The following CDC40 variants were observed in gnomAD, a reference collection of about 807,000 sequenced individuals.
CDC40 encodes the protein pre-mRNA-processing factor 17.
In CDC40, 27 loss-of-function variants were observed where a neutral mutation model predicts 80.6. The observed-to-expected ratio is 0.33, with a 90% confidence interval of 0.25 to 0.46. The LOEUF (loss-of-function observed/expected upper bound fraction) is 0.46, where lower values mean the gene tolerates loss of function less well. Among genes scored for constraint, CDC40 ranks in the 20% least tolerant of loss-of-function variants. CDC40 has a pLI of 1.00. For synonymous variants in CDC40, 221 were observed against 232.6 expected (o/e 0.95, Z 0.45); for missense variants, 486 against 694.1 (o/e 0.70, Z 3.37).
At chr6:110,227,623 C>T (rs1313880973) in intron 13 of CDC40, among the ~76,000 whole-genome samples, 1 of 152,132 alleles carries the variant, frequency 6.6e-6, no homozygotes, top group East Asian at 1.9e-4. Flanking sequence ...TATCCATGAG[C>T]ACCATATCCT....
chr6:110,197,301 AAATT>A (rs1179061777), intron 2 of CDC40, among the ~76,000 whole-genome samples: 1 of 152,226 alleles, frequency 6.6e-6, no homozygotes, highest in Non-Finnish European at 1.5e-5. Flanking sequence ...ACTTTTTAAT[AAATT>A]AATTTTTTAA....
chr6:110,190,002 A>T (rs1466006405), intron 1 of CDC40, among the ~76,000 whole-genome samples: 3 of 152,206 alleles, frequency 2.0e-5, no homozygotes, highest in Non-Finnish European at 4.4e-5. Flanking sequence ...TTCTCTACAG[A>T]TTTGGCTTTT....
rs1433901670 is a variant in CDC40 at position 110,228,705 on chromosome 6, TA to T, written c.1418-126del. The T allele has an allele frequency of 9.3e-6, 6 of 646,090 alleles. No homozygotes were observed. The Admixed American group carries it at 1.5e-4, about 16-fold the overall frequency. The allele number at this position is 646,090 out of a possible 1,614,324, so 40.0% of individuals were successfully genotyped here. A position where few individuals can be genotyped will look rare whatever the true frequency, so the allele number is the denominator to read the frequency against. On this transcript the variant is annotated intron_variant, in intron 13 of 14. Coordinates refer to ENST00000307731, the MANE Select transcript of CDC40 (RefSeq NM_015891.3). Reference sequence around the variant, plus strand: ...CATTTTACAGGTGGTATAGTAAATTTATTTTTTAGTATTATAAAGTATTTGG... The same window carrying T: ...CATTTTACAGGTGGTATAGTAAATTTTTTTTTAGTATTATAAAGTATTTGG...
At chr6:110,204,446 T>C (rs1465174661) in intron 3 of CDC40, among the ~76,000 whole-genome samples, 1 of 152,216 alleles carries the variant, frequency 6.6e-6, no homozygotes, top group African/African-American at 2.4e-5. Flanking sequence ...TATGTTATGC[T>C]ACAAAGTGCA....
rs531740365 is a variant in CDC40 at position 110,191,652 on chromosome 6, G to A, written c.190-1530G>A. Among the ~76,000 whole-genome samples the A allele has an allele frequency of 5.3e-5, 8 of 152,262 alleles. No homozygotes were observed. The South Asian group carries it at 8.3e-4, about 16-fold the overall frequency. On this transcript the variant is annotated intron_variant, in intron 1 of 14. Coordinates refer to ENST00000307731, the MANE Select transcript of CDC40 (RefSeq NM_015891.3). ...ACATTTCATTCCAAAAGGAAATAAC[G>A]GTAAGTATAGAGACCCCAAGGCAGG...
At chr6:110,194,282 T>C (rs1401423262) in intron 2 of CDC40, among the ~76,000 whole-genome samples, 2 of 152,228 alleles carry the variant, frequency 1.3e-5, no homozygotes, top group Admixed American at 6.5e-5. Flanking sequence ...TCAGAATCTT[T>C]AAGAAGCACT....
intron 1 of CDC40, among the ~76,000 whole-genome samples, chr6:110,188,857 C>G (rs1371079564): frequency 1.3e-5 from 2 of 152,192 alleles, no homozygotes; most frequent in Admixed American, 1.3e-4. Context: ...TGGATGGGTT[C>G]TGTGATGATT....
intron 1 of CDC40, 79 bp downstream of exon 1, chr6:110,180,712 G>A (rs976862262): frequency 4.0e-6 from 4 of 1,011,662 alleles, no homozygotes; most frequent in Non-Finnish European, 6.1e-6. Context: ...TTAGGTACCG[G>A]GTTACCTCTT....
In CDC40 at chr6:110,180,506, A is replaced by C. The variant is rs747844527; in HGVS notation, c.62A>C (p.Asp21Ala). ...GGTTCGGGTTCAGGGTCCGAATCGG[A>C]CTCGGACAGTGAGAGCAGTCGGTGT... ...SYGSGSGSES[D>A]SDSESSRCPL... The change falls in exon 1 of 15, where the codon GAC (aspartate) becomes GCC (alanine). Residue 21 changes from aspartate (D) to alanine (A), a missense_variant. By Grantham distance (126) the Asp-to-Ala change is moderately radical. Transcript: ENST00000307731. The C allele has an allele frequency of 2.5e-6, 4 of 1,614,018 alleles. No homozygotes were observed. Among genetic ancestry groups the C allele is most frequent in the Non-Finnish European group, 2.5e-6 (3 of 1,180,028 alleles).
At chr6:110,201,035 TA>T (rs1335064062) in intron 2 of CDC40, among the ~76,000 whole-genome samples, 1 of 152,180 alleles carries the variant, frequency 6.6e-6, no homozygotes, top group African/African-American at 2.4e-5. Flanking sequence ...GAATTCTGAT[TA>T]ATCTTTCCTT....
chr6:110,222,159 G>A (rs888139869), intron 12 of CDC40, among the ~76,000 whole-genome samples: 1 of 152,152 alleles, frequency 6.6e-6, no homozygotes, highest in Non-Finnish European at 1.5e-5. Flanking sequence ...GGAGGCTGAG[G>A]CAGGAGGATT....
chr6:110,187,305 C>A (rs1040162271), intron 1 of CDC40, among the ~76,000 whole-genome samples: 1 of 152,206 alleles, frequency 6.6e-6, no homozygotes, highest in Admixed American at 6.5e-5. Context: ...AAAACAAAAG[C>A]AGATCTGGCT....
intron 2 of CDC40, among the ~76,000 whole-genome samples, chr6:110,193,491 G>A (rs868811227): frequency 1.3e-4 from 20 of 151,722 alleles, no homozygotes; most frequent in African/African-American, 4.8e-4. Flanking sequence ...TGCAAGCTCC[G>A]CCTCCTGGGT....
At position 110,180,471 on chromosome 6, in the gene CDC40, C is replaced by G. The variant is rs761883148; in HGVS notation, c.27C>G (p.Ala9=). The change falls in exon 1 of 15, where the codon GCC becomes GCG. Residue 9 remains alanine (A), a synonymous_variant. Transcript: ENST00000307731. The part of the protein sequence containing the change: MSAAIAAL[A]ASYGSGSGSE... ...TGTCGGCTGCGATTGCAGCTCTGGC[C>G]GCTTCCTATGGTTCGGGTTCAGGGT... 2 of 1,614,192 alleles carry G rather than the reference C, an allele frequency of 1.2e-6. No homozygotes were observed. Among genetic ancestry groups the G allele is most frequent in the Non-Finnish European group, 1.7e-6 (2 of 1,180,038 alleles).
intron 12 of CDC40, among the ~76,000 whole-genome samples, chr6:110,225,417 AT>A (rs1050292158): frequency 2.8e-5 from 4 of 144,792 alleles, no homozygotes; most frequent in African/African-American, 5.1e-5. Context: ...CTACTTTTTA[AT>A]TTTTTTTTCA....
chr6:110,213,034 T>C (rs1283225096), intron 7 of CDC40, 52 bp from the exon 8 acceptor site: 1 of 1,197,324 alleles, frequency 8.4e-7, no homozygotes, highest in Non-Finnish European at 1.3e-6. Flanking sequence ...ATGCTTCATT[T>C]GAGCTGATCT....
intron 1 of CDC40, among the ~76,000 whole-genome samples, chr6:110,186,904 A>C (rs1777279764): frequency 6.6e-6 from 1 of 152,314 alleles, no homozygotes; most frequent in Non-Finnish European, 1.5e-5. Flanking sequence ...TTTTAGTCCC[A>C]TTCTCCTCTT....
intron 10 of CDC40, among the ~76,000 whole-genome samples, chr6:110,218,669 C>T: frequency 6.6e-6 from 1 of 152,098 alleles, no homozygotes; most frequent in East Asian, 1.9e-4. Flanking sequence ...CTGAGTCCTA[C>T]CTTCAAAGGT....
chr6:110,204,114 C>T (rs536387236), intron 3 of CDC40, among the ~76,000 whole-genome samples: 7 of 151,946 alleles, frequency 4.6e-5, no homozygotes, highest in Admixed American at 1.3e-4. Context: ...CTGGGTTCAA[C>T]GCCATTCTCC....
Sources: allele counts gnomAD v4.1 joint callset (sites outside exome capture counted in the v4.1 genomes callset), GRCh38; gene constraint gnomAD v4.1.1; transcripts MANE v1.5; gene names NCBI Gene and HGNC (gene_info 2026-07-23, HGNC 2026-07-21).